L1CAM: variants seen among roughly 807,000 people sequenced by gnomAD.
The protein encoded by L1CAM is L1 cell adhesion molecule, also known as neural cell adhesion molecule L1.
A neutral mutation model predicts 93.0 loss-of-function variants in L1CAM; 8 were observed. The observed-to-expected ratio is 0.09, with a 90% CI of 0.05 to 0.16. The LOEUF (loss-of-function observed/expected upper bound fraction) is 0.16. Among genes scored for constraint, L1CAM ranks in the 10% least tolerant of loss-of-function variants. The probability of loss-of-function intolerance (pLI) is 1.00; values close to 1 mark genes in which losing one functional copy is unlikely to be tolerated. For missense variants in L1CAM, 777 were observed against 1,073.4 expected (o/e 0.72, Z 3.86); for synonymous variants, 453 against 453.0 (o/e 1.00, Z 0.00).
chrX:153,867,718 G>T, intron 16 of L1CAM, 82 bp downstream of exon 16: 1 of 1,003,446 alleles, frequency 1.0e-6, no homozygotes, highest in Non-Finnish European at 1.4e-6. Context: ...CCCCAGGAAG[G>T]CTCCAGGAGG....
At position 153,869,815 on chromosome X, in the gene L1CAM, T is replaced by A. The variant is rs200257341; in HGVS notation, c.1111A>T (p.Ile371Phe). The A allele has an allele frequency of 1.7e-6, 2 of 1,210,985 alleles. No homozygotes were observed. The highest frequency in any genetic ancestry group is 2.2e-6 in the Non-Finnish European group (2 of 895,210). The change falls in exon 10 of 29, where the codon ATC becomes TTC. Residue 371 changes from isoleucine to phenylalanine, a missense_variant. Physicochemically the swap from Ile to Phe is conservative, Grantham distance 21. Coordinates refer to ENST00000370060, the MANE Select transcript of L1CAM (RefSeq NM_001278116.2). ...QPEVTWRING[I>F]PVEELAKDQK... ...AGGCCCTGCTCACCCTCCACAGGGA[T>A]CCCGTTGATTCTCCAGGTGACCTCT...
intron 16 of L1CAM, 68 bp from the exon 17 acceptor site, chrX:153,867,621 TG>T: frequency 9.4e-7 from 1 of 1,066,524 alleles, no homozygotes; most frequent in Non-Finnish European, 1.3e-6. Flanking sequence ...GTGGAGGGGT[TG>T]GGTACAGTCT....
At chrX:153,863,257 G>A (rs1856573489) in intron 28 of L1CAM, 111 bp downstream of exon 28, 7 of 867,117 alleles carry the variant, frequency 8.1e-6, no homozygotes, top group Non-Finnish European at 1.2e-5. Context: ...TGGGGGCTGG[G>A]AAGTGAGAGT....
intron 28 of L1CAM, 24 bp from the exon 29 acceptor site, chrX:153,862,918 G>A (rs781923954): frequency 1.3e-5 from 15 of 1,140,231 alleles, no homozygotes; most frequent in East Asian, 9.2e-5. Context: ...GGGCAGGTGC[G>A]AGTGAGAGCA....
intron 2 of L1CAM, chrX:153,875,487 G>C: frequency 2.2e-6 from 1 of 463,437 alleles, no homozygotes; most frequent in Non-Finnish European, 3.9e-6. Context: ...CAAGACCTCG[G>C]GGCCCTGCTC....
intron 1 of L1CAM, chrX:153,885,352 A>C: frequency 1.0e-6 from 1 of 979,252 alleles, no homozygotes; most frequent in Non-Finnish European, 1.3e-6. Flanking sequence ...TCCAGCCCTG[A>C]CTGGCCACAG....
intron 4 of L1CAM, 66 bp downstream of exon 4, chrX:153,872,526 T>C (rs782031163): frequency 1.0e-4 from 104 of 997,819 alleles, no homozygotes; most frequent in Non-Finnish European, 1.4e-4. Context: ...AGTTAGGCAG[T>C]CCAGGGAGGC....
chrX:153,863,164 A>C (rs1368114380), intron 28 of L1CAM, among the ~76,000 whole-genome samples: 2 of 110,752 alleles, frequency 1.8e-5, no homozygotes, highest in Admixed American at 1.9e-4. Context: ...TCCCTTGGGG[A>C]GAGGGGAGCA....
In L1CAM at chrX:153,863,484, C is replaced by T. The variant is rs1064796541; in HGVS notation, c.3523G>A (p.Glu1175Lys). The change falls in exon 27 of 29, where the codon GAG (glutamate) becomes AAG (lysine). Residue 1175 changes from glutamate to lysine, a missense_variant. By Grantham distance (56) the Glu-to-Lys change is moderately conservative. Around this residue, in one of 5 missense-constraint regions of L1CAM, gnomAD observed 110 missense variants for 141.7 expected, o/e 0.78. Transcript: ENST00000370060. The part of the protein sequence containing the change: ...ARPMKDETFG[E>K]YRSLESDNEE... ...ACTCCTGCCCCGGCTCACCTGTACT[C>T]GCCGAAGGTCTCATCTTTCATCGGT... 5.8e-6 allele frequency: 7 copies of T among 1,209,472 alleles called. No homozygotes were observed. The highest frequency in any genetic ancestry group is 1.8e-5 in the South Asian group (1 of 56,777).
intron 26 of L1CAM, 105 bp from the exon 27 acceptor site, chrX:153,863,654 A>G: frequency 1.2e-6 from 1 of 865,764 alleles, no homozygotes; most frequent in Non-Finnish European, 1.7e-6. Context: ...AACAGCGCCC[A>G]GAGGCAAGAG....
intron 1 of L1CAM, among the ~76,000 whole-genome samples, chrX:153,878,070 T>A (rs2064825689): frequency 8.9e-6 from 1 of 112,068 alleles, no homozygotes; most frequent in South Asian, 3.7e-4. Context: ...CAGGAAGTGG[T>A]TAAAGTGCAG....
At chrX:153,885,477 AGG>A in intron 1 of L1CAM, 3 of 897,610 alleles carry the variant, frequency 3.3e-6, no homozygotes, top group South Asian at 2.1e-5. Flanking sequence ...GGAAAGAAGA[AGG>A]AGGAGAACAA....
intron 1 of L1CAM, among the ~76,000 whole-genome samples, chrX:153,878,793 T>C: frequency 9.0e-6 from 1 of 111,643 alleles, no homozygotes; most frequent in Non-Finnish European, 1.9e-5. Context: ...AATCCTGGAA[T>C]GGTGTTTGGC....
chrX:153,871,041 G>T lies in L1CAM; in HGVS notation c.523+16C>A, dbSNP rs1057523154. 7 of 1,208,972 alleles carry T rather than the reference G, an allele frequency of 5.8e-6. No homozygotes were observed. Among genetic ancestry groups the T allele is most frequent in the Non-Finnish European group, 6.7e-6 (6 of 894,945 alleles). ...AACACCCCGACCCCACGAGGCAGCC[G>T]CTCGCCGGCACCCACTGCTGTTCAT... On this transcript the variant is annotated intron_variant, in intron 6 of 28. Coordinates refer to ENST00000370060, the MANE Select transcript of L1CAM (RefSeq NM_001278116.2).
At chrX:153,866,258 A>T (rs2064711498) in intron 19 of L1CAM, among the ~76,000 whole-genome samples, 1 of 105,512 alleles carries the variant, frequency 9.5e-6, no homozygotes, top group Non-Finnish European at 2.0e-5. Context: ...GGTTGCAGTG[A>T]GCCAAGACCG....
In L1CAM at chrX:153,863,967, C is replaced by T. The variant is rs1557089828; in HGVS notation, c.3373G>A (p.Gly1125Ser). ...AGFATEGWFI[G>S]FVSAIILLLL... ...AGGAGGATGATGGCACTCACAAAGC[C>T]GATGAACCAGCCCTCAGTGGCGAAG... is the stretch of plus-strand genomic sequence containing the variant. Residue 1125 changes from glycine to serine, a missense_variant, in exon 26 of 29, where the codon GGC (glycine) becomes AGC (serine). Gly to Ser is a moderately conservative substitution (Grantham distance 56). Coordinates refer to ENST00000370060, the MANE Select transcript of L1CAM (RefSeq NM_001278116.2). The T allele has an allele frequency of 1.6e-6, 2 of 1,212,247 alleles. No individual in the cohort carries two copies. Among genetic ancestry groups the T allele is most frequent in the Middle Eastern group, 2.3e-4 (1 of 4,350 alleles).
In L1CAM at chrX:153,870,897, G is replaced by A; in HGVS notation, c.587C>T (p.Ala196Val). ...GTGGTTGTCGGAGGTGAGCACATTG[G>A]CAAAGTAGAGGTTGCCGTTCTGGCC... ...TMGQNGNLYFANVLTSDNHSD... is the reference protein window; with the variant it reads ...TMGQNGNLYFVNVLTSDNHSD... Residue 196 changes from alanine (A) to valine (V), a missense_variant, in exon 7 of 29, where the codon GCC becomes GTC. Coordinates refer to ENST00000370060, the MANE Select transcript of L1CAM (RefSeq NM_001278116.2). 8.3e-7 allele frequency: 1 copy of A among 1,211,169 alleles called. No individual in the cohort carries two copies. Among genetic ancestry groups the A allele is most frequent in the South Asian group, 1.8e-5 (1 of 56,966 alleles).
Position 153,872,343 on chromosome X carries a change from G to A in L1CAM, c.209C>T (p.Thr70Met), listed in dbSNP as rs782407054. Residue 70 changes from threonine to methionine, a missense_variant, in exon 5 of 29, where the codon ACG becomes ATG. By Grantham distance (81) the Thr-to-Met change is moderately conservative. This residue lies in a region of L1CAM where 574 missense variants were observed against 781.0 expected (regional missense o/e 0.73). Transcript: ENST00000370060. ...GGGTTTGAAGTGGACACCATCCCTCGTCCAGCGGAACCTGTGGGCGGAAAA... is the reference window on the plus strand; with the variant it reads ...GGGTTTGAAGTGGACACCATCCCTCATCCAGCGGAACCTGTGGGCGGAAAA... ...SGKPEVQFRW[T>M]RDGVHFKPKE... is the part of the protein sequence containing the mutation. 4.1e-6 allele frequency: 5 copies of A among 1,205,190 alleles called. No homozygotes were observed. The highest frequency in any genetic ancestry group is 3.0e-5 in the East Asian group (1 of 33,624).
At chrX:153,883,414 G>T (rs983596172) in intron 1 of L1CAM, among the ~76,000 whole-genome samples, 2 of 107,964 alleles carry the variant, frequency 1.9e-5, no homozygotes, top group Non-Finnish European at 3.8e-5. Flanking sequence ...ACAGGGAGAC[G>T]TGGGAGGCTG....
Sources: gnomAD v4.1 joint callset for allele counts (sites outside exome capture counted in the v4.1 genomes callset) on GRCh38, gnomAD v4.1.1 for gene constraint, gnomAD v4.1.1 regional missense constraint, MANE v1.5 for transcripts, NCBI Gene and HGNC (gene_info 2026-07-23, HGNC 2026-07-21) for gene names.